Variants in ADAMTSL3 observed in about 807,000 individuals in gnomAD.
The protein encoded by ADAMTSL3 is ADAMTS like 3.
In ADAMTSL3, 128 loss-of-function variants were observed where a neutral mutation model predicts 201.7. The ratio of observed to expected loss-of-function variants is 0.63; its 90% CI spans 0.55 to 0.73. ADAMTSL3 has a LOEUF of 0.73. ADAMTSL3 is among the 30% of genes least tolerant of loss of function. The pLI, the probability that ADAMTSL3 is intolerant of heterozygous loss-of-function variation, is 0.00. For synonymous variants in ADAMTSL3, 738 were observed against 748.4 expected (o/e 0.99, Z 0.23); for missense variants, 1,990 against 2,119.6 (o/e 0.94, Z 1.20).
At chr15:84,027,130 G>A (rs1199179389) in intron 27 of ADAMTSL3, among the ~76,000 whole-genome samples, 1 of 152,080 alleles carries the variant, frequency 6.6e-6, no homozygotes, top group Non-Finnish European at 1.5e-5. Context: ...GCACACGAAG[G>A]GATGCTTTCC....
intron 21 of ADAMTSL3, among the ~76,000 whole-genome samples, chr15:83,984,993 A>T (rs564291631): frequency 1.3e-5 from 2 of 152,372 alleles, no homozygotes; most frequent in South Asian, 4.1e-4. Context: ...CTCAAAGGTT[A>T]GTTGAAATGT....
At chr15:84,035,431 T>G (rs1220546870) in intron 28 of ADAMTSL3, among the ~76,000 whole-genome samples, 1 of 152,234 alleles carries the variant, frequency 6.6e-6, no homozygotes, top group African/African-American at 2.4e-5. Flanking sequence ...CAGTCTCTTC[T>G]CTGTTGTTCA....
chr15:83,704,356 C>G (rs758309996), intron 2 of ADAMTSL3, 33 bp from the exon 3 acceptor site: 3 of 1,613,796 alleles, frequency 1.9e-6, no homozygotes, highest in Non-Finnish European at 2.5e-6. Flanking sequence ...CTTACTGGAG[C>G]CTTATTTGTG....
At chr15:83,891,139 G>A in intron 11 of ADAMTSL3, 190 bp from the exon 12 acceptor site, 1 of 530,256 alleles carries the variant, frequency 1.9e-6, no homozygotes, top group East Asian at 3.0e-5. Context: ...TGGGGAATTT[G>A]TGTCGTAGAT....
intron 21 of ADAMTSL3, among the ~76,000 whole-genome samples, chr15:83,986,230 T>C (rs1222810923): frequency 2.0e-5 from 3 of 152,184 alleles, no homozygotes; most frequent in Non-Finnish European, 4.4e-5. Context: ...ATTTTATAAA[T>C]TGTAAGGAAA....
chr15:83,958,534 T>C (rs575776195), intron 19 of ADAMTSL3, among the ~76,000 whole-genome samples: 2 of 152,298 alleles, frequency 1.3e-5, no homozygotes, highest in African/African-American at 2.4e-5. Flanking sequence ...TCCTGAAATA[T>C]TCCCTCCTGC....
intron 4 of ADAMTSL3, among the ~76,000 whole-genome samples, chr15:83,796,607 A>T (rs1567150772): frequency 6.6e-6 from 1 of 152,236 alleles, no homozygotes; most frequent in Non-Finnish European, 1.5e-5. Flanking sequence ...TCTAAGTATC[A>T]TATAGGAGTG....
chr15:84,025,058 G>A (rs1294249241), intron 26 of ADAMTSL3, among the ~76,000 whole-genome samples, 180 bp from the exon 27 acceptor site: 2 of 152,086 alleles, frequency 1.3e-5, no homozygotes, highest in Non-Finnish European at 2.9e-5. Flanking sequence ...TGTTTCTCCC[G>A]AGTTAAAGAA....
At position 83,890,177 on chromosome 15, in the gene ADAMTSL3, C is replaced by T. The variant is rs61754856; in HGVS notation, c.1141C>T (p.His381Tyr). The T allele has an allele frequency of 5.8e-4, 934 of 1,613,960 alleles. 7 individuals are homozygous for T. The East Asian group carries it at 0.012, about 21-fold the overall frequency. ...GAGGGTAGTTCCTGACCATTATTGTCACTACTACCCTGAAAATGTAAAACC... is the reference window on the plus strand; with the variant it reads ...GAGGGTAGTTCCTGACCATTATTGTTACTACTACCCTGAAAATGTAAAACC... Reference protein sequence around the residue: ...LKRVVPDHYCHYYPENVKPKP... With the variant: ...LKRVVPDHYCYYYPENVKPKP... The change falls in exon 11 of 30, where the codon CAC becomes TAC. Residue 381 changes from histidine to tyrosine, a missense_variant. By Grantham distance (83) the His-to-Tyr change is moderately conservative. Transcript: ENST00000286744.
At chr15:83,892,357 C>T (rs756380676) in intron 12 of ADAMTSL3, among the ~76,000 whole-genome samples, 4 of 151,572 alleles carry the variant, frequency 2.6e-5, no homozygotes, top group Middle Eastern at 3.2e-3. Flanking sequence ...TTGTGAAACC[C>T]TGTCTATACT....
At chr15:83,770,490 C>T (rs548887153) in intron 3 of ADAMTSL3, among the ~76,000 whole-genome samples, 6 of 152,150 alleles carry the variant, frequency 3.9e-5, no homozygotes, top group African/African-American at 9.7e-5. Flanking sequence ...TGCGTATATA[C>T]GCCTATGCCT....
At chr15:83,772,780 A>G (rs906472853) in intron 3 of ADAMTSL3, among the ~76,000 whole-genome samples, 5 of 147,180 alleles carry the variant, frequency 3.4e-5, no homozygotes, top group Non-Finnish European at 7.4e-5. Flanking sequence ...ATCTTGGCTT[A>G]CTTCAACCTC....
Position 83,927,383 on chromosome 15 carries a change from G to A in ADAMTSL3, c.2117+3350G>A, listed in dbSNP as rs567127532. Among the ~76,000 whole-genome samples the A allele has an allele frequency of 2.6e-5, 4 of 152,092 alleles. No homozygotes were observed. The East Asian group carries it at 7.8e-4, about 30-fold the overall frequency. ...CCCACCTCAGCCTCCCAAAGTGCTG[G>A]GATTACAGACGTGAGCCACCGCACC... On this transcript the variant is annotated intron_variant, in intron 17 of 29. Coordinates refer to ENST00000286744, the MANE Select transcript of ADAMTSL3 (RefSeq NM_207517.3).
rs578168969 is a variant in ADAMTSL3 at position 83,932,965 on chromosome 15, C to T, written c.2117+8932C>T. ...TATAAAACAGGAAATTAAAAATCTA[C>T]GCTATGAACAATAAACTATCAAAAA... On this transcript the variant is annotated intron_variant, in intron 17 of 29. Transcript: ENST00000286744. 1.8e-4 allele frequency among the ~76,000 whole-genome samples: 28 copies of T among 152,278 alleles called. No homozygotes were observed. In the South Asian group the frequency reaches 3.9e-3, roughly 21 times the overall value.
chr15:83,729,722 G>A (rs1484522320), intron 3 of ADAMTSL3, among the ~76,000 whole-genome samples: 1 of 151,964 alleles, frequency 6.6e-6, no homozygotes, highest in Non-Finnish European at 1.5e-5. Context: ...TGTTTGAAAG[G>A]TCACATATCT....
intron 9 of ADAMTSL3, among the ~76,000 whole-genome samples, chr15:83,873,417 TTTTG>T (rs779378618): frequency 2.1e-5 from 3 of 145,780 alleles, no homozygotes; most frequent in Admixed American, 6.7e-5. Context: ...CATTGGTTTT[TTTTG>T]TTTGTTTGTT....
At chr15:83,658,254 GC>G in intron 2 of ADAMTSL3, among the ~76,000 whole-genome samples, 1 of 152,032 alleles carries the variant, frequency 6.6e-6, no homozygotes, top group Non-Finnish European at 1.5e-5. Context: ...GACTACAGGC[GC>G]ACACTACCAC....
chr15:83,958,794 T>G (rs2066904005), intron 19 of ADAMTSL3, among the ~76,000 whole-genome samples: 1 of 152,098 alleles, frequency 6.6e-6, no homozygotes, highest in South Asian at 2.1e-4. Flanking sequence ...CAGGAGAATG[T>G]AAAATGATAG....
intron 2 of ADAMTSL3, among the ~76,000 whole-genome samples, chr15:83,686,098 C>T (rs559314802): frequency 6.6e-6 from 1 of 152,324 alleles, no homozygotes; most frequent in East Asian, 1.9e-4. Flanking sequence ...CAACCTGTCA[C>T]AGACCTCTGA....
Sources: allele counts gnomAD v4.1 joint callset (sites outside exome capture counted in the v4.1 genomes callset), GRCh38; gene constraint gnomAD v4.1.1; transcripts MANE v1.5; gene names NCBI Gene and HGNC (gene_info 2026-07-23, HGNC 2026-07-21).